NEBL: variants seen among roughly 807,000 people sequenced by gnomAD.
NEBL encodes the protein LIM and SH3 protein 2.
In NEBL, 122 loss-of-function variants were observed where a neutral mutation model predicts 140.2. The ratio of observed to expected loss-of-function variants is 0.87; its 90% confidence interval spans 0.75 to 1.01. NEBL has a LOEUF of 1.01. Among genes scored for constraint, NEBL ranks in the 50% least tolerant of loss-of-function variants. NEBL has a pLI of 0.00. For synonymous variants in NEBL, 436 were observed against 398.9 expected, an observed-to-expected ratio of 1.09 and a Z score of -1.11; for missense variants, 1,365 against 1,231.3, an observed-to-expected ratio of 1.11 and a Z score of -1.62.
intron 2 of NEBL, among the ~76,000 whole-genome samples, chr10:21,078,081 G>A (rs1836187504): frequency 6.6e-6 from 1 of 152,160 alleles, no homozygotes; most frequent in African/African-American, 2.4e-5. Flanking sequence ...GGGAGGAGGA[G>A]ATTGGAAGAT....
chr10:21,245,502 G>T (rs1223924632), intron 3 of NEBL, among the ~76,000 whole-genome samples: 8 of 152,116 alleles, frequency 5.3e-5, no homozygotes, highest in Admixed American at 5.2e-4. Context: ...CATATTTTCT[G>T]ATCTTGAATT....
intron 16 of NEBL, 152 bp from the exon 17 acceptor site, chr10:20,828,786 G>A: frequency 1.6e-6 from 1 of 617,456 alleles, no homozygotes. Context: ...AGAGAGAGGT[G>A]GAGAGACAGA....
rs190789339 is a variant in NEBL, at chr10:20,940,118, T to C, written c.357+21554A>G. Among the ~76,000 whole-genome samples, 837 of 152,110 alleles carry C rather than the reference T, an allele frequency of 5.5e-3. 10 individuals are homozygous for C. The highest frequency in any genetic ancestry group is 0.019 in the African/African-American group (789 of 41,470). On this transcript the variant is annotated intron_variant, in intron 4 of 6. Coordinates refer to the NEBL transcript ENST00000417816. ...CATCTACAGAACTCTCCACCCCAAATCAACAGAATATACATTCTTCTCAGC... is the reference window on the plus strand; with the variant it reads ...CATCTACAGAACTCTCCACCCCAAACCAACAGAATATACATTCTTCTCAGC...
chr10:20,894,641 A>G (rs953361961), intron 2 of NEBL, among the ~76,000 whole-genome samples: 4 of 151,654 alleles, frequency 2.6e-5, no homozygotes, highest in African/African-American at 7.3e-5. Context: ...TAGGCCGGGC[A>G]TGGTGGCTCA....
At chr10:20,937,535 CTGCATTTCCAACTGGGGGACTGGGTT>C (rs1358888839) in intron 4 of NEBL, among the ~76,000 whole-genome samples, 4 of 152,266 alleles carry the variant, frequency 2.6e-5, no homozygotes, top group Non-Finnish European at 4.4e-5. Flanking sequence ...CAGATGATTT[CTGCATTTCCAACTGGGGGACTGGGTT>C]CATCTCACTG....
At chr10:21,161,721 C>T (rs1014694723) in intron 2 of NEBL, among the ~76,000 whole-genome samples, 3 of 152,058 alleles carry the variant, frequency 2.0e-5, no homozygotes, top group African/African-American at 7.2e-5. Context: ...TCATTCATGT[C>T]CTGATGGAAT....
At position 20,812,842 on chromosome 10, in the gene NEBL, C is replaced by T. The variant is rs578252294; in HGVS notation, c.2445G>A (p.Val815=). ...VTERVRKNTQ[V]VSDAAYKGVH... is the part of the protein sequence containing the mutation. ...CCCCTTTATAGGCAGCATCGCTGACCACCTGGGTGTTCTTCCTCACTCTCT... is the reference window on the plus strand; with the variant it reads ...CCCCTTTATAGGCAGCATCGCTGACTACCTGGGTGTTCTTCCTCACTCTCT... The change falls in exon 24 of 28, where the codon GTG becomes GTA. Residue 815 remains valine (V), a synonymous_variant. Coordinates refer to ENST00000377122, the MANE Select transcript of NEBL (RefSeq NM_006393.3). The T allele has an allele frequency of 1.8e-5, 29 of 1,614,040 alleles. No homozygotes were observed. The highest frequency in any genetic ancestry group is 5.3e-5 in the African/African-American group (4 of 75,046).
intron 14 of NEBL, among the ~76,000 whole-genome samples, chr10:20,833,735 G>A (rs925844999): frequency 1.4e-5 from 2 of 147,768 alleles, no homozygotes; most frequent in Admixed American, 6.9e-5. Flanking sequence ...CAGCCTGGGC[G>A]ACAGAGCGAG....
At chr10:21,060,399 C>T (rs559652181) in intron 2 of NEBL, among the ~76,000 whole-genome samples, 7 of 152,246 alleles carry the variant, frequency 4.6e-5, no homozygotes, top group African/African-American at 1.7e-4. Context: ...TAGAGATTAC[C>T]TGGAATGGTG....
chr10:21,268,196 C>T (rs966808310), intron 1 of NEBL, among the ~76,000 whole-genome samples: 6 of 152,274 alleles, frequency 3.9e-5, no homozygotes, highest in African/African-American at 1.2e-4. Context: ...TGAAGCTGGA[C>T]GTGGGATTAT....
intron 3 of NEBL, among the ~76,000 whole-genome samples, chr10:21,000,366 T>C (rs543069835): frequency 1.3e-5 from 2 of 151,994 alleles, no homozygotes; most frequent in African/African-American, 4.8e-5. Flanking sequence ...GTTTATTGTG[T>C]CCCATGCTGC....
intron 2 of NEBL, among the ~76,000 whole-genome samples, chr10:21,107,694 G>A (rs1305614144): frequency 6.6e-6 from 1 of 152,202 alleles, no homozygotes; most frequent in Non-Finnish European, 1.5e-5. Context: ...AAATGAGTTA[G>A]GGAGGATTCC....
intron 13 of NEBL, among the ~76,000 whole-genome samples, chr10:20,836,267 G>C (rs1840878887): frequency 6.6e-6 from 1 of 152,048 alleles, no homozygotes; most frequent in African/African-American, 2.4e-5. Context: ...CTCTCGCGCA[G>C]GCTGGAGTGC....
At chr10:21,194,131 T>G (rs939186599) in intron 3 of NEBL, among the ~76,000 whole-genome samples, 2 of 152,016 alleles carry the variant, frequency 1.3e-5, no homozygotes, top group African/African-American at 2.4e-5. Context: ...TGCACCACCA[T>G]GCCTGGCTAA....
At chr10:21,120,282 G>C (rs1047884154) in intron 2 of NEBL, among the ~76,000 whole-genome samples, 4 of 149,656 alleles carry the variant, frequency 2.7e-5, no homozygotes, top group African/African-American at 4.9e-5. Flanking sequence ...GGCTGAGATA[G>C]AAGGATTACC....
At chr10:20,817,295 A>C (rs1355864311) in intron 21 of NEBL, among the ~76,000 whole-genome samples, 1 of 152,166 alleles carries the variant, frequency 6.6e-6, no homozygotes, top group African/African-American at 2.4e-5. Context: ...TGAACCCAGA[A>C]GGCAAAGGTT....
chr10:20,961,683 G>T, exon 4 of NEBL: 3 of 1,610,122 alleles, frequency 1.9e-6, no homozygotes, highest in South Asian at 1.1e-5. Context: ...TTACTGATTT[G>T]CTCCTGAGTC....
In NEBL at chr10:20,850,407, C is replaced by A; in HGVS notation, c.1104G>T (p.Lys368Asn). ...CTAATTGACCTACTTCACTTTGCAT[C>A]TTTTGAGCCTCCTTTGAAGCTTGAT... Reference protein sequence around the residue: ...PSYQASKEAQKMQSEKVYKED... With the variant: ...PSYQASKEAQNMQSEKVYKED... Residue 368 changes from lysine (K) to asparagine (N), a missense_variant, in exon 11 of 28, where the codon AAG becomes AAT. By Grantham distance (94) the Lys-to-Asn change is moderately conservative. Coordinates refer to ENST00000377122, the MANE Select transcript of NEBL (RefSeq NM_006393.3). The A allele has an allele frequency of 1.9e-6, 3 of 1,605,302 alleles. No homozygotes were observed. The South Asian group carries it at 3.3e-5, about 18-fold the overall frequency.
intron 2 of NEBL, among the ~76,000 whole-genome samples, chr10:21,067,098 G>A (rs952179001): frequency 2.1e-5 from 3 of 145,612 alleles, no homozygotes; most frequent in Non-Finnish European, 4.5e-5. Context: ...TCAGCCTCCC[G>A]AGTAGCTGGG....
Sources: gnomAD v4.1 joint callset for allele counts (sites outside exome capture counted in the v4.1 genomes callset) on GRCh38, gnomAD v4.1.1 for gene constraint, MANE v1.5 for transcripts, NCBI Gene and HGNC (gene_info 2026-07-23, HGNC 2026-07-21) for gene names.